ARFIP1: variants seen among roughly 807,000 people sequenced by gnomAD.
ARFIP1 encodes arfaptin-1.
A neutral mutation model predicts 42.5 loss-of-function variants in ARFIP1; 24 were observed. The observed-to-expected ratio is 0.57, with a 90% confidence interval of 0.41 to 0.80. The LOEUF (loss-of-function observed/expected upper bound fraction) is 0.80. Ranked by LOEUF, ARFIP1 falls within the 30% of genes least tolerant of loss-of-function variation. ARFIP1 has a pLI of 0.00. For synonymous variants in ARFIP1, 141 were observed against 153.7 expected (o/e 0.92, Z 0.61); for missense variants, 354 against 434.0 (o/e 0.82, Z 1.64).
At chr4:152,874,202 A>G (rs953781724) in intron 5 of ARFIP1, among the ~76,000 whole-genome samples, 1 of 152,216 alleles carries the variant, frequency 6.6e-6, no homozygotes, top group South Asian at 2.1e-4. Flanking sequence ...TTGAATCACT[A>G]TTAAGATTCC....
intron 1 of ARFIP1, among the ~76,000 whole-genome samples, chr4:152,803,142 A>G (rs777144581): frequency 9.2e-5 from 14 of 152,194 alleles, no homozygotes; most frequent in South Asian, 2.1e-4. Flanking sequence ...AGAAGCAGCT[A>G]GAGAAGTAGG....
chr4:152,780,446 G>A (rs541392500), intron 1 of ARFIP1, among the ~76,000 whole-genome samples: 2 of 152,342 alleles, frequency 1.3e-5, no homozygotes, highest in South Asian at 4.1e-4. Flanking sequence ...GTCGAGTGAA[G>A]GTGTAGGACC....
At chr4:152,828,305 T>C (rs1389748817) in intron 1 of ARFIP1, among the ~76,000 whole-genome samples, 3 of 152,250 alleles carry the variant, frequency 2.0e-5, no homozygotes, top group Non-Finnish European at 4.4e-5. Flanking sequence ...TCATAGTGGC[T>C]GTACCAGTTT....
intron 1 of ARFIP1, among the ~76,000 whole-genome samples, chr4:152,823,702 A>C (rs1036965955): frequency 7.3e-5 from 10 of 136,286 alleles, no homozygotes; most frequent in African/African-American, 2.2e-4. Flanking sequence ...ACTTGAACCC[A>C]GGAGGCGGAG....
At chr4:152,866,614 C>A (rs1350759336) in intron 3 of ARFIP1, among the ~76,000 whole-genome samples, 2 of 151,636 alleles carry the variant, frequency 1.3e-5, no homozygotes, top group Non-Finnish European at 2.9e-5. Flanking sequence ...CTCTCCTGGA[C>A]GGGGCGGCTG....
intron 2 of ARFIP1, among the ~76,000 whole-genome samples, chr4:152,862,701 G>A (rs75261284): frequency 0.018 from 2,692 of 152,276 alleles, 25 homozygotes; most frequent in Non-Finnish European, 0.029. Flanking sequence ...AAGGTAAATA[G>A]AAAAGTGATT....
chr4:152,857,162 T>C (rs1395428975), intron 2 of ARFIP1, among the ~76,000 whole-genome samples: 1 of 152,218 alleles, frequency 6.6e-6, no homozygotes, highest in Non-Finnish European at 1.5e-5. Flanking sequence ...AAGGGCGTTG[T>C]CCTGTGACAA....
chr4:152,824,832 T>C (rs905584629), intron 1 of ARFIP1, among the ~76,000 whole-genome samples: 8 of 152,048 alleles, frequency 5.3e-5, no homozygotes, highest in Admixed American at 6.6e-5. Context: ...GATAAATGAA[T>C]TGAATAAAGT....
At chr4:152,851,412 C>T (rs1732968963) in intron 2 of ARFIP1, among the ~76,000 whole-genome samples, 1 of 152,050 alleles carries the variant, frequency 6.6e-6, no homozygotes, top group African/African-American at 2.4e-5. Flanking sequence ...ACTGTAACAA[C>T]CCGAAGGAAG....
chr4:152,884,631 C>T lies in ARFIP1; in HGVS notation c.791+1751C>T, dbSNP rs183253828. On this transcript the variant is annotated intron_variant, in intron 7 of 8. Transcript: ENST00000353617. ...GTCTACCTATCCTGAAATATATTTT[C>T]GTTAATAATAATCTCTTTCCCTTCA... is the stretch of plus-strand genomic sequence containing the variant. 5.9e-4 allele frequency among the ~76,000 whole-genome samples: 90 copies of T among 151,924 alleles called. 3 individuals are homozygous for T. The South Asian group carries it at 0.015, about 25-fold the overall frequency.
At chr4:152,872,395 T>G (rs1003311141) in intron 4 of ARFIP1, 57 bp from the exon 5 acceptor site, 1 of 1,192,586 alleles carries the variant, frequency 8.4e-7, no homozygotes, top group Non-Finnish European at 1.2e-6. Flanking sequence ...AGGGTTTTGT[T>G]TTCTTTCCCT....
intron 3 of ARFIP1, among the ~76,000 whole-genome samples, chr4:152,866,022 C>T (rs1035778729): frequency 6.6e-5 from 10 of 151,894 alleles, no homozygotes; most frequent in African/African-American, 1.2e-4. Flanking sequence ...TGCGGCCTTC[C>T]GCAGTGTTTG....
chr4:152,833,485 C>T (rs767967145), intron 2 of ARFIP1, among the ~76,000 whole-genome samples: 16 of 152,156 alleles, frequency 1.1e-4, no homozygotes, highest in Non-Finnish European at 1.9e-4. Flanking sequence ...GTAGAACGAC[C>T]ATAAGATCTA....
chr4:152,803,916 C>G (rs186310424), intron 1 of ARFIP1, among the ~76,000 whole-genome samples: 202 of 148,184 alleles, frequency 1.4e-3, no homozygotes, highest in Non-Finnish European at 2.2e-3. Flanking sequence ...TTGTCAACAT[C>G]AAGAAAGCAG....
chr4:152,883,477 A>G (rs1736014968), intron 7 of ARFIP1, among the ~76,000 whole-genome samples: 1 of 152,038 alleles, frequency 6.6e-6, no homozygotes, highest in African/African-American at 2.4e-5. Context: ...GTCATCTTCC[A>G]TTTATCCAGA....
At chr4:152,790,660 A>G (rs143430744) in intron 1 of ARFIP1, among the ~76,000 whole-genome samples, 159 of 151,906 alleles carry the variant, frequency 1.0e-3, no homozygotes, top group African/African-American at 3.6e-3. Flanking sequence ...CTTATTATGC[A>G]TATAATTCAG....
chr4:152,851,417 A>T (rs1732969814), intron 2 of ARFIP1, among the ~76,000 whole-genome samples: 1 of 152,198 alleles, frequency 6.6e-6, no homozygotes, highest in Non-Finnish European at 1.5e-5. Flanking sequence ...AACAACCCGA[A>T]GGAAGTGTGA....
At chr4:152,817,577 A>C (rs2149837108) in intron 1 of ARFIP1, among the ~76,000 whole-genome samples, 1 of 152,360 alleles carries the variant, frequency 6.6e-6, no homozygotes, top group African/African-American at 2.4e-5. Flanking sequence ...AAACCAAAGC[A>C]CAAGCAACAA....
chr4:152,797,390 A>C (rs1209578693), intron 1 of ARFIP1, among the ~76,000 whole-genome samples: 2 of 152,106 alleles, frequency 1.3e-5, no homozygotes, highest in Non-Finnish European at 2.9e-5. Flanking sequence ...TGTTTGATAG[A>C]GGTGGTCTCC....
Sources: gnomAD v4.1 joint callset for allele counts (sites outside exome capture counted in the v4.1 genomes callset) on GRCh38, gnomAD v4.1.1 for gene constraint, MANE v1.5 for transcripts, NCBI Gene and HGNC (gene_info 2026-07-23, HGNC 2026-07-21) for gene names.